Variants in CARM1 observed in about 807,000 individuals in gnomAD.
CARM1 encodes histone-arginine methyltransferase CARM1.
In CARM1, 14 loss-of-function variants were observed where a neutral mutation model predicts 72.7. That is an observed-to-expected ratio of 0.19 (90% confidence interval 0.13 to 0.30). CARM1 has a LOEUF of 0.30. Ranked by LOEUF, CARM1 falls within the 10% of genes least tolerant of loss-of-function variation. The pLI is 1.00. For synonymous variants in CARM1, 333 were observed against 345.5 expected (o/e 0.96, Z 0.40); for missense variants, 432 against 833.7 (o/e 0.52, Z 5.93).
rs2073814427 is a variant in CARM1 at position 10,871,604 on chromosome 19, G to GGCGGCGGCT, written c.-91_-90insTGCGGCGGC. On this transcript the variant is annotated 5_prime_UTR_variant, in exon 1 of 16. Transcript: ENST00000327064. The surrounding 1 kb of genome is among the most constrained non-coding windows in gnomAD (Gnocchi z 5.6). ...CGGTAGCGGCAGCGGCGGCGGCGGCGGCGGCGGCGGCGGCGGCGGCGGCGG... is the reference window on the plus strand; with the variant it reads ...CGGTAGCGGCAGCGGCGGCGGCGGCGGCGGCGGCTGCGGCGGCGGCGGCGGCGGCGGCGG... 5.4e-5 allele frequency: 6 copies of GGCGGCGGCT among 110,586 alleles called. No homozygotes were observed. The South Asian group carries it at 1.4e-3, about 26-fold the overall frequency. 6.9% of individuals were successfully genotyped at this position (110,586 alleles called of 1,614,324 possible). A position where few individuals can be genotyped will look rare whatever the true frequency, so the allele number is the denominator to read the frequency against.
At position 10,880,605 on chromosome 19, in the gene CARM1, T is replaced by C. The variant is rs187861167; in HGVS notation, c.220+8683T>C. 1.3e-3 allele frequency among the ~76,000 whole-genome samples: 200 copies of C among 151,838 alleles called. 2 individuals are homozygous for C. The highest frequency in any genetic ancestry group is 4.5e-3 in the African/African-American group (187 of 41,402). The stretch of plus-strand genomic sequence containing the variant: ...CTGGGCTCAAGCGATTCTCCTACCT[T>C]GGCCCCCAAAGTGCTGGGATTACAG... On this transcript the variant is annotated intron_variant, in intron 1 of 15. Coordinates refer to ENST00000327064, the MANE Select transcript of CARM1 (RefSeq NM_199141.2).
intron 1 of CARM1, among the ~76,000 whole-genome samples, chr19:10,882,534 C>CTTTTTTTTT (rs869046901): frequency 4.7e-5 from 4 of 85,942 alleles, no homozygotes; most frequent in Non-Finnish European, 6.5e-5. Flanking sequence ...TGCACTCTGT[C>CTTTTTTTTT]TTTTTTTTTT....
rs541910835 is a variant in CARM1 at position 10,916,257 on chromosome 19, G to C, written c.848-150G>C. On this transcript the variant is annotated intron_variant, in intron 6 of 15. Coordinates refer to ENST00000327064, the MANE Select transcript of CARM1 (RefSeq NM_199141.2). The surrounding 1 kb of genome is among the most constrained non-coding windows in gnomAD (Gnocchi z 4.4). ...TGATGAAACACTGATCAGAATAGGC[G>C]CTCGGTGCCACTGTCACAGGAGTGC... The C allele has an allele frequency of 3.3e-6, 2 of 608,138 alleles. No homozygotes were observed. The highest frequency in any genetic ancestry group is 3.7e-5 in the African/African-American group (2 of 54,634). 37.7% of individuals were successfully genotyped at this position (608,138 alleles called of 1,614,324 possible). A position where few individuals can be genotyped will look rare whatever the true frequency, so the allele number is the denominator to read the frequency against.
At chr19:10,882,833 G>A (rs371466151) in intron 1 of CARM1, among the ~76,000 whole-genome samples, 2 of 152,034 alleles carry the variant, frequency 1.3e-5, no homozygotes, top group African/African-American at 4.8e-5. Flanking sequence ...ATGAGCCACC[G>A]TGCCCGACCT....
At chr19:10,888,036 G>A (rs949518945) in intron 1 of CARM1, among the ~76,000 whole-genome samples, 9 of 152,188 alleles carry the variant, frequency 5.9e-5, no homozygotes, top group African/African-American at 2.2e-4. Flanking sequence ...GGGTCTTCTT[G>A]CCGCTCCATG....
chr19:10,897,986 A>G (rs370882396), intron 1 of CARM1, among the ~76,000 whole-genome samples: 2 of 152,122 alleles, frequency 1.3e-5, no homozygotes, highest in East Asian at 3.9e-4. Flanking sequence ...GGGCGCCTGT[A>G]GTCCCAGCTA....
chr19:10,883,687 G>C (rs1243205587), intron 1 of CARM1, among the ~76,000 whole-genome samples: 3 of 152,170 alleles, frequency 2.0e-5, no homozygotes, highest in Non-Finnish European at 4.4e-5. Flanking sequence ...CTGAGTAGCT[G>C]GGACTACAGG....
chr19:10,919,988 A>G (rs2288843), intron 10 of CARM1, 22 bp downstream of exon 10: 132,000 of 1,594,316 alleles, frequency 0.083, 5,776 homozygotes, highest in Non-Finnish European at 0.089. Context: ...AGAGCAGCCC[A>G]TGCTGCCTCC....
At chr19:10,899,942 A>G (rs1327056305) in intron 1 of CARM1, among the ~76,000 whole-genome samples, 1 of 151,958 alleles carries the variant, frequency 6.6e-6, no homozygotes, top group Non-Finnish European at 1.5e-5. Flanking sequence ...GTGTGTCTCA[A>G]ACTCCTGGGT....
rs1460065828 is a variant in CARM1, at chr19:10,890,774, C to CACATATAT, written c.221-14176_221-14175insCATATATA. ...ATACACACACACATATACACACACA[C>CACATATAT]ATATATATATATATATATATATTTT... is the stretch of plus-strand genomic sequence containing the variant. On this transcript the variant is annotated intron_variant, in intron 1 of 15. Transcript: ENST00000327064. Among the ~76,000 whole-genome samples the CACATATAT allele has an allele frequency of 6.6e-3, 420 of 63,478 alleles. 5 individuals carry two copies. Among genetic ancestry groups the CACATATAT allele is most frequent in the Non-Finnish European group, 0.01 (372 of 35,848 alleles). The allele number at this position is 63,478 out of a possible 152,430, so 41.6% of individuals were successfully genotyped here.
intron 1 of CARM1, among the ~76,000 whole-genome samples, chr19:10,902,012 G>A (rs146730539): frequency 1.3e-5 from 2 of 152,222 alleles, no homozygotes; most frequent in African/African-American, 4.8e-5. Context: ...GGGACGCCGA[G>A]GCAGACAGAG....
In CARM1 at chr19:10,912,075, TG is replaced by T. The variant is rs778496883; in HGVS notation, c.559-108del. On this transcript the variant is annotated intron_variant, in intron 4 of 15. Coordinates refer to ENST00000327064, the MANE Select transcript of CARM1 (RefSeq NM_199141.2). The surrounding 1 kb of genome is among the most constrained non-coding windows in gnomAD (Gnocchi z 4.5). Reference sequence around the variant, plus strand: ...CCAAGAGCCCATAAAGGGCAAACATTGAGAGTGAAGACAGACGCCTCATGAT... The same window carrying T: ...CCAAGAGCCCATAAAGGGCAAACATTAGAGTGAAGACAGACGCCTCATGAT... The T allele has an allele frequency of 1.4e-4, 117 of 831,558 alleles. No homozygotes were observed. Among genetic ancestry groups the T allele is most frequent in the Admixed American group, 2.8e-4 (16 of 57,936 alleles). 51.5% of individuals were successfully genotyped at this position (831,558 alleles called of 1,614,324 possible). A position where few individuals can be genotyped will look rare whatever the true frequency, so the allele number is the denominator to read the frequency against.
At chr19:10,897,401 G>A (rs569526365) in intron 1 of CARM1, among the ~76,000 whole-genome samples, 1 of 152,276 alleles carries the variant, frequency 6.6e-6, no homozygotes, top group East Asian at 1.9e-4. Context: ...TGGCAGCTGG[G>A]GGTTTGTGAC....
rs1568360128 is a variant in CARM1 at position 10,922,737 on chromosome 19, A to T, written c.*980A>T. The T allele has an allele frequency of 6.6e-6, 1 of 152,510 alleles. No homozygotes were observed. The highest frequency in any genetic ancestry group is 1.5e-5 in the Non-Finnish European group (1 of 68,234). 9.4% of individuals were successfully genotyped at this position (152,510 alleles called of 1,614,324 possible). A position where few individuals can be genotyped will look rare whatever the true frequency, so the allele number is the denominator to read the frequency against. ...CTCCCTCCAAAAAAAGAAAAAAAGA[A>T]AAAGAAAGAAAAAATAAATGAGGAA... On this transcript the variant is annotated 3_prime_UTR_variant, in exon 16 of 16. Coordinates refer to ENST00000327064, the MANE Select transcript of CARM1 (RefSeq NM_199141.2).
intron 8 of CARM1, among the ~76,000 whole-genome samples, chr19:10,918,276 A>C (rs557785638): frequency 6.6e-6 from 1 of 152,284 alleles, no homozygotes; most frequent in South Asian, 2.1e-4. Flanking sequence ...GCTGGAGTAC[A>C]GTGGCTCAAT....
At chr19:10,906,232 G>T (rs2074103114) in intron 2 of CARM1, among the ~76,000 whole-genome samples, 2 of 151,896 alleles carry the variant, frequency 1.3e-5, no homozygotes, top group Non-Finnish European at 2.9e-5. Flanking sequence ...GGGATTACAG[G>T]CATGAGCCAC....
rs148716593 is a variant in CARM1, at chr19:10,918,474, C to T, written c.1021-1121C>T. On this transcript the variant is annotated intron_variant, in intron 8 of 15. Transcript: ENST00000327064. Reference sequence around the variant, plus strand: ...CTGACCTCAGGTGATCCGTCCGCCTCGGCCTCCCAAAGTGCTGGGATTATA... The same window carrying T: ...CTGACCTCAGGTGATCCGTCCGCCTTGGCCTCCCAAAGTGCTGGGATTATA... 7.2e-5 allele frequency among the ~76,000 whole-genome samples: 11 copies of T among 152,296 alleles called. No homozygotes were observed. The East Asian group carries it at 2.1e-3, about 29-fold the overall frequency.
chr19:10,890,706 CAT>C (rs1458895135), intron 1 of CARM1, among the ~76,000 whole-genome samples: 4 of 145,518 alleles, frequency 2.7e-5, no homozygotes, highest in African/African-American at 1.0e-4. Context: ...TATACACACA[CAT>C]ATATACACAT....
At chr19:10,891,766 T>C (rs138980396) in intron 1 of CARM1, among the ~76,000 whole-genome samples, 2 of 152,190 alleles carry the variant, frequency 1.3e-5, no homozygotes, top group Non-Finnish European at 2.9e-5. Flanking sequence ...CTCAGGAGGG[T>C]GTAACATGAA....
Sources: gnomAD v4.1 joint callset for allele counts (sites outside exome capture counted in the v4.1 genomes callset) on GRCh38, gnomAD v4.1.1 for gene constraint, Gnocchi (gnomAD v3.1) non-coding constraint, MANE v1.5 for transcripts, NCBI Gene and HGNC (gene_info 2026-07-23, HGNC 2026-07-21) for gene names.